Variants in CLSTN2 observed in about 807,000 individuals in gnomAD.
CLSTN2 encodes calsyntenin 2, also known as calsyntenin-2.
A neutral mutation model predicts 101.2 loss-of-function variants in CLSTN2; 48 were observed. The ratio of observed to expected loss-of-function variants is 0.47; its 90% CI spans 0.38 to 0.60. The LOEUF (loss-of-function observed/expected upper bound fraction) is 0.60. Ranked by LOEUF, CLSTN2 falls within the 20% of genes least tolerant of loss-of-function variation. The pLI is 0.00. For missense variants in CLSTN2, 1,160 were observed against 1,238.2 expected (o/e 0.94, Z 0.95); for synonymous variants, 481 against 463.6 (o/e 1.04, Z -0.48).
At chr3:140,509,887 T>G (rs1934773496) in intron 8 of CLSTN2, among the ~76,000 whole-genome samples, 1 of 152,244 alleles carries the variant, frequency 6.6e-6, no homozygotes, top group Admixed American at 6.5e-5. Context: ...AGTGGACTTT[T>G]TAATATAGAT....
intron 2 of CLSTN2, among the ~76,000 whole-genome samples, chr3:140,240,285 TATATACAC>T (rs1230876182): frequency 2.9e-4 from 6 of 20,620 alleles, no homozygotes; most frequent in Admixed American, 1.1e-3. Context: ...CATATATACA[TATATACAC>T]ATATATATAT....
At chr3:140,021,190 C>T (rs1433208696) in intron 1 of CLSTN2, among the ~76,000 whole-genome samples, 2 of 152,156 alleles carry the variant, frequency 1.3e-5, no homozygotes, top group Non-Finnish European at 2.9e-5. Context: ...CATAGACCAT[C>T]CCCATCCTCC....
At chr3:140,277,843 C>T (rs971984021) in intron 2 of CLSTN2, among the ~76,000 whole-genome samples, 16 of 152,150 alleles carry the variant, frequency 1.1e-4, no homozygotes, top group Admixed American at 7.9e-4. Context: ...GAAGGAATAT[C>T]CATGTTCTGT....
At chr3:140,136,007 A>G (rs2009611228) in intron 1 of CLSTN2, among the ~76,000 whole-genome samples, 1 of 152,218 alleles carries the variant, frequency 6.6e-6, no homozygotes, top group Admixed American at 6.5e-5. Context: ...AAGATTTCAG[A>G]TCCAGAAAGG....
chr3:140,297,271 C>A (rs1382455648), intron 2 of CLSTN2, among the ~76,000 whole-genome samples: 1 of 152,190 alleles, frequency 6.6e-6, no homozygotes, highest in Non-Finnish European at 1.5e-5. Flanking sequence ...TATCACACAG[C>A]CACTCTGGGT....
chr3:140,215,734 C>T (rs1172316225), intron 2 of CLSTN2, among the ~76,000 whole-genome samples: 1 of 152,184 alleles, frequency 6.6e-6, no homozygotes, highest in African/African-American at 2.4e-5. Flanking sequence ...GCTTCCTTAT[C>T]TTTAAAAATC....
chr3:139,965,627 C>G (rs1244710676), intron 1 of CLSTN2, among the ~76,000 whole-genome samples: 12 of 152,222 alleles, frequency 7.9e-5, no homozygotes, highest in Non-Finnish European at 1.8e-4. Context: ...AGGACGGGGG[C>G]AAACACAATC....
chr3:140,460,795 A>G (rs944087992), intron 7 of CLSTN2, among the ~76,000 whole-genome samples: 5 of 152,200 alleles, frequency 3.3e-5, no homozygotes, highest in Non-Finnish European at 5.9e-5. Flanking sequence ...TTCAAATACA[A>G]CTTTTGCTAA....
intron 1 of CLSTN2, among the ~76,000 whole-genome samples, chr3:140,083,293 A>G (rs988044970): frequency 6.6e-6 from 1 of 152,208 alleles, no homozygotes; most frequent in African/African-American, 2.4e-5. Context: ...CTATGTTGCT[A>G]TCTGATTAAT....
chr3:140,301,140 A>G (rs929789113), intron 2 of CLSTN2, among the ~76,000 whole-genome samples: 4 of 152,192 alleles, frequency 2.6e-5, no homozygotes, highest in Admixed American at 2.0e-4. Context: ...TGGTGAATCC[A>G]CTAATGCTAT....
intron 1 of CLSTN2, among the ~76,000 whole-genome samples, chr3:139,978,777 G>A (rs746398206): frequency 1.3e-5 from 2 of 151,646 alleles, no homozygotes; most frequent in Non-Finnish European, 2.9e-5. Flanking sequence ...AATGCCAAGA[G>A]GTGAAAAATT....
intron 5 of CLSTN2, among the ~76,000 whole-genome samples, chr3:140,440,172 GAGA>G (rs1037482995): frequency 3.3e-5 from 5 of 152,172 alleles, no homozygotes; most frequent in Non-Finnish European, 5.9e-5. Context: ...CCTGGATGAA[GAGA>G]AGGACCAGCC....
chr3:140,128,362 A>G (rs1042464944), intron 1 of CLSTN2, among the ~76,000 whole-genome samples: 4 of 152,224 alleles, frequency 2.6e-5, no homozygotes, highest in African/African-American at 4.8e-5. Context: ...AGCATTAAAT[A>G]TGGTTTCTGC....
At chr3:140,477,085 G>A (rs1427792356) in intron 8 of CLSTN2, among the ~76,000 whole-genome samples, 1 of 152,152 alleles carries the variant, frequency 6.6e-6, no homozygotes. Context: ...CTTTGAGGAA[G>A]TCTTAAAAAG....
intron 1 of CLSTN2, among the ~76,000 whole-genome samples, chr3:139,956,174 G>A (rs115248177): frequency 5.3e-5 from 8 of 152,330 alleles, no homozygotes; most frequent in South Asian, 2.1e-4. Context: ...GTATTAGGAC[G>A]TGAACCCAGA....
At chr3:140,247,905 C>T (rs186160846) in intron 2 of CLSTN2, among the ~76,000 whole-genome samples, 359 of 152,256 alleles carry the variant, frequency 2.4e-3, no homozygotes, top group African/African-American at 7.9e-3. Flanking sequence ...TATTTGGATT[C>T]CCAGGCCACA....
intron 2 of CLSTN2, among the ~76,000 whole-genome samples, chr3:140,357,752 G>A (rs2087688470): frequency 6.6e-6 from 1 of 152,158 alleles, no homozygotes. Flanking sequence ...TTAGTCCTAT[G>A]CAGAGTGCAG....
intron 1 of CLSTN2, among the ~76,000 whole-genome samples, chr3:140,040,261 C>T (rs745990528): frequency 7.9e-5 from 12 of 152,096 alleles, no homozygotes; most frequent in South Asian, 2.1e-4. Flanking sequence ...GATGGCACTG[C>T]GCTATCCGTG....
chr3:140,459,484 C>A, intron 6 of CLSTN2, 37 bp from the exon 7 acceptor site: 1 of 1,609,550 alleles, frequency 6.2e-7, no homozygotes, highest in South Asian at 1.1e-5. Context: ...GACACCGCAT[C>A]ATGACCTGTT....
Sources: gnomAD v4.1 joint callset for allele counts (sites outside exome capture counted in the v4.1 genomes callset) on GRCh38, gnomAD v4.1.1 for gene constraint, MANE v1.5 for transcripts, NCBI Gene and HGNC (gene_info 2026-07-23, HGNC 2026-07-21) for gene names.